The following SPAG16 variants were observed in gnomAD, a reference collection of about 807,000 sequenced individuals.
SPAG16 encodes sperm-associated antigen 16 protein.
Under a neutral mutation model 80.4 loss-of-function variants are expected in SPAG16, and 86 were observed. That is an observed-to-expected ratio of 1.07 (90% CI 0.90 to 1.28). SPAG16 has a LOEUF of 1.28. Among genes scored for constraint, SPAG16 ranks in the 50% most tolerant of loss-of-function variants. The pLI, the probability that SPAG16 is intolerant of heterozygous loss-of-function variation, is 0.00. For missense variants in SPAG16, 870 were observed against 765.3 expected, an observed-to-expected ratio of 1.14 and a Z score of -1.61; for synonymous variants, 294 against 265.9, an observed-to-expected ratio of 1.11 and a Z score of -1.03.
intron 11 of SPAG16, among the ~76,000 whole-genome samples, chr2:213,889,137 A>G (rs1325332977): frequency 6.6e-6 from 1 of 151,998 alleles, no homozygotes; most frequent in Non-Finnish European, 1.5e-5. Flanking sequence ...TTTGAGTACA[A>G]TATCAGTAAA....
chr2:213,399,504 C>T (rs909125459), intron 9 of SPAG16, among the ~76,000 whole-genome samples: 2 of 151,844 alleles, frequency 1.3e-5, no homozygotes, highest in African/African-American at 4.8e-5. Flanking sequence ...TCTTTCATTC[C>T]TGGAATAAAA....
chr2:214,053,491 G>A (rs999029471), intron 13 of SPAG16, among the ~76,000 whole-genome samples: 4 of 152,058 alleles, frequency 2.6e-5, no homozygotes, highest in Admixed American at 2.6e-4. Flanking sequence ...CTTCTGTGTA[G>A]TCTCACTGCT....
chr2:213,960,488 G>A (rs2044357678), intron 12 of SPAG16, among the ~76,000 whole-genome samples: 1 of 152,058 alleles, frequency 6.6e-6, no homozygotes, highest in Non-Finnish European at 1.5e-5. Flanking sequence ...ATCTAATAAT[G>A]TGGTAACTCT....
intron 11 of SPAG16, among the ~76,000 whole-genome samples, chr2:213,870,619 A>T (rs993007670): frequency 6.6e-6 from 1 of 152,188 alleles, no homozygotes; most frequent in African/African-American, 2.4e-5. Context: ...AATATATATC[A>T]AAAGGTTTTC....
chr2:213,854,473 G>T (rs1337500983), intron 10 of SPAG16, among the ~76,000 whole-genome samples: 2 of 152,090 alleles, frequency 1.3e-5, no homozygotes, highest in African/African-American at 4.8e-5. Context: ...TAAAAAAGCT[G>T]GGCTGTACAA....
At chr2:213,827,997 G>A (rs551426563) in intron 10 of SPAG16, among the ~76,000 whole-genome samples, 6 of 152,000 alleles carry the variant, frequency 3.9e-5, no homozygotes, top group Non-Finnish European at 7.4e-5. Flanking sequence ...AGTCTTCTTT[G>A]GGTTAAATCT....
chr2:214,232,789 T>A (rs1472888021), intron 15 of SPAG16, among the ~76,000 whole-genome samples: 1 of 152,000 alleles, frequency 6.6e-6, no homozygotes, highest in Admixed American at 6.6e-5. Context: ...CCACCTTACA[T>A]AAAAACAGCA....
chr2:213,488,620 T>G (rs1160925554), intron 9 of SPAG16, among the ~76,000 whole-genome samples: 1 of 151,964 alleles, frequency 6.6e-6, no homozygotes, highest in East Asian at 1.9e-4. Context: ...CTTCCAATTT[T>G]GTAAAAATTG....
At chr2:213,561,613 A>G (rs114758908) in intron 10 of SPAG16, among the ~76,000 whole-genome samples, 2,207 of 152,300 alleles carry the variant, frequency 0.014, 23 homozygotes, top group South Asian at 0.036. Context: ...TTGCTCCCTG[A>G]AGTGGTATAT....
intron 10 of SPAG16, among the ~76,000 whole-genome samples, chr2:213,620,430 C>G (rs965873050): frequency 6.6e-6 from 1 of 151,480 alleles, no homozygotes; most frequent in Non-Finnish European, 1.5e-5. Flanking sequence ...GTAGCTGGGA[C>G]TACAGGCACC....
chr2:214,096,524 T>A (rs1475475931), intron 13 of SPAG16, among the ~76,000 whole-genome samples: 1 of 152,064 alleles, frequency 6.6e-6, no homozygotes, highest in Non-Finnish European at 1.5e-5. Context: ...TGTATATAAT[T>A]GCATTTTAGT....
intron 12 of SPAG16, among the ~76,000 whole-genome samples, chr2:213,961,516 G>T (rs2106352039): frequency 7.4e-6 from 1 of 135,236 alleles, no homozygotes; most frequent in South Asian, 2.6e-4. Context: ...TATTAAATAT[G>T]TTGTTAGCTA....
At chr2:214,044,895 C>A (rs1029460275) in intron 13 of SPAG16, among the ~76,000 whole-genome samples, 1 of 152,162 alleles carries the variant, frequency 6.6e-6, no homozygotes, top group Non-Finnish European at 1.5e-5. Flanking sequence ...AATTTGAGTT[C>A]TAGCAAGCCT....
intron 10 of SPAG16, among the ~76,000 whole-genome samples, chr2:213,593,924 A>G (rs984127010): frequency 6.6e-6 from 1 of 150,490 alleles, no homozygotes; most frequent in Non-Finnish European, 1.5e-5. Flanking sequence ...ACAGGCGCCC[A>G]CCACCACGCC....
chr2:213,520,065 G>GGA (rs371860669), intron 10 of SPAG16, among the ~76,000 whole-genome samples: 53 of 148,538 alleles, frequency 3.6e-4, no homozygotes, highest in Non-Finnish European at 5.4e-4. Flanking sequence ...GAAATAGAGA[G>GGA]GAGAGAGAGA....
chr2:214,328,528 C>T (rs138055451), intron 15 of SPAG16, among the ~76,000 whole-genome samples: 50 of 152,286 alleles, frequency 3.3e-4, no homozygotes, highest in African/African-American at 1.2e-3. Context: ...ATACTTTGGA[C>T]ACCTGAGCTC....
At chr2:213,291,469 TTTGA>T (rs1352179751) in intron 1 of SPAG16, among the ~76,000 whole-genome samples, 2 of 152,222 alleles carry the variant, frequency 1.3e-5, no homozygotes, top group Non-Finnish European at 2.9e-5. Context: ...ATCTTCCTAG[TTTGA>T]TTGTTTTGTC....
chr2:213,666,115 T>C (rs1272125373), intron 10 of SPAG16, among the ~76,000 whole-genome samples: 1 of 152,118 alleles, frequency 6.6e-6, no homozygotes, highest in Non-Finnish European at 1.5e-5. Context: ...AAATCACAAA[T>C]AATGAGAATA....
chr2:213,680,072 G>T lies in SPAG16; in HGVS notation c.1071-182413G>T, dbSNP rs539121755. Among the ~76,000 whole-genome samples the T allele has an allele frequency of 3.3e-5, 5 of 152,214 alleles. No individual in the cohort carries two copies. In the South Asian group the frequency reaches 1.0e-3, roughly 32 times the overall value. ...ACACCACCGTGGGCCACATGAAGTT[G>T]CACTCAAAAGCAGAAGGAACAAGTA... On this transcript the variant is annotated intron_variant, in intron 10 of 15. Transcript: ENST00000331683.
Sources: allele counts gnomAD v4.1 joint callset (sites outside exome capture counted in the v4.1 genomes callset), GRCh38; gene constraint gnomAD v4.1.1; transcripts MANE v1.5; gene names NCBI Gene and HGNC (gene_info 2026-07-23, HGNC 2026-07-21).